Variants in CD226 observed in about 807,000 individuals in gnomAD.
CD226 encodes CD226 molecule.
In CD226, 24 loss-of-function variants were observed where a neutral mutation model predicts 34.9. The ratio of observed to expected loss-of-function variants is 0.69; its 90% CI spans 0.50 to 0.97. The LOEUF is 0.97. Ranked by LOEUF, CD226 falls within the 50% of genes least tolerant of loss-of-function variation. The pLI, the probability that CD226 is intolerant of heterozygous loss-of-function variation, is 0.00. For synonymous variants in CD226, 148 were observed against 147.4 expected (o/e 1.00, Z -0.03); for missense variants, 397 against 412.7 (o/e 0.96, Z 0.33).
At chr18:69,957,361 C>A (rs1299970697), upstream of CD226, among the ~76,000 whole-genome samples, 5 of 119,356 alleles carry the variant, frequency 4.2e-5, no homozygotes, top group African/African-American at 1.3e-4. Flanking sequence ...TTTTTTTTTT[C>A]TTTGTCTCCC....
chr18:69,938,498 A>T (rs1278511954), intron 2 of CD226, among the ~76,000 whole-genome samples: 1 of 152,180 alleles, frequency 6.6e-6, no homozygotes, highest in Non-Finnish European at 1.5e-5. Context: ...GATATTTTCA[A>T]TCCTGGTTTG....
chr18:69,865,780 T>C (rs987643840), intron 5 of CD226, among the ~76,000 whole-genome samples: 5 of 152,226 alleles, frequency 3.3e-5, no homozygotes, highest in Admixed American at 2.6e-4. Context: ...GATGAACACA[T>C]GTTGGATTGT....
chr18:69,949,432 C>T (rs879516323), upstream of CD226, among the ~76,000 whole-genome samples: 3 of 152,146 alleles, frequency 2.0e-5, no homozygotes, highest in Non-Finnish European at 4.4e-5. Flanking sequence ...GTCCTAATGA[C>T]AAGATTTTCC....
At chr18:69,872,840 T>C (rs925448111) in intron 4 of CD226, among the ~76,000 whole-genome samples, 3 of 152,170 alleles carry the variant, frequency 2.0e-5, no homozygotes, top group Admixed American at 6.5e-5. Flanking sequence ...CGCTGTGTCA[T>C]ACACGCACAC....
intron 4 of CD226, among the ~76,000 whole-genome samples, chr18:69,871,157 G>A (rs922239044): frequency 2.0e-5 from 3 of 152,056 alleles, no homozygotes; most frequent in African/African-American, 4.8e-5. Context: ...GTCACCACTC[G>A]CTGTCTCTTA....
intron 3 of CD226, among the ~76,000 whole-genome samples, chr18:69,891,675 C>A (rs1984913297): frequency 6.6e-6 from 1 of 152,096 alleles, no homozygotes; most frequent in Non-Finnish European, 1.5e-5. Context: ...AAATATCAGT[C>A]AGGTTTCTGT....
At chr18:69,874,877 G>A (rs1983764952) in intron 3 of CD226, among the ~76,000 whole-genome samples, 1 of 151,972 alleles carries the variant, frequency 6.6e-6, no homozygotes, top group Non-Finnish European at 1.5e-5. Flanking sequence ...ATGTCCTCAA[G>A]GTTTATCCAC....
intron 2 of CD226, among the ~76,000 whole-genome samples, chr18:69,933,778 T>C (rs988681884): frequency 6.6e-6 from 1 of 152,214 alleles, no homozygotes; most frequent in Non-Finnish European, 1.5e-5. Flanking sequence ...TTCTGCTATT[T>C]TCACTGAAAA....
At chr18:69,901,707 G>A (rs1045735176) in intron 2 of CD226, among the ~76,000 whole-genome samples, 26 of 151,100 alleles carry the variant, frequency 1.7e-4, no homozygotes, top group South Asian at 1.7e-3. Context: ...GTGAAACCCC[G>A]TCTCTACTAA....
upstream of CD226, among the ~76,000 whole-genome samples, chr18:69,961,043 T>C (rs2055927249): frequency 6.6e-6 from 1 of 152,188 alleles, no homozygotes; most frequent in Non-Finnish European, 1.5e-5. Flanking sequence ...CTAGAGAACA[T>C]GGTCAAATAA....
intron 2 of CD226, among the ~76,000 whole-genome samples, chr18:69,919,321 T>C (rs1381141583): frequency 6.6e-6 from 1 of 152,192 alleles, no homozygotes. Flanking sequence ...CCAGAAACGC[T>C]GTCAGGGAGC....
At chr18:69,954,245 G>C (rs1212823984) in intron 1 of CD226, among the ~76,000 whole-genome samples, 1 of 152,074 alleles carries the variant, frequency 6.6e-6, no homozygotes, top group Non-Finnish European at 1.5e-5. Context: ...CAGTACATTA[G>C]CATAGTACAG....
chr18:69,940,939 C>A (rs557831603), intron 2 of CD226, among the ~76,000 whole-genome samples: 1 of 152,324 alleles, frequency 6.6e-6, no homozygotes, highest in Non-Finnish European at 1.5e-5. Flanking sequence ...AAGCCTAAGA[C>A]CCCCTGCTCT....
rs17842595 is a variant in CD226, at chr18:69,898,244, C to T, written c.383-2199G>A. 3.4e-3 allele frequency among the ~76,000 whole-genome samples: 519 copies of T among 152,224 alleles called. 2 individuals are homozygous for T. Among genetic ancestry groups the T allele is most frequent in the African/African-American group, 0.012 (501 of 41,530 alleles). On this transcript the variant is annotated intron_variant, in intron 2 of 5. Transcript: ENST00000582621. The stretch of plus-strand genomic sequence containing the variant: ...GGAGAAATCGACTTTCATGTGAGCC[C>T]TTCTGGTCCCTGGGAAGTAAGAGGC...
intron 2 of CD226, among the ~76,000 whole-genome samples, chr18:69,933,968 T>C (rs2055619785): frequency 6.6e-6 from 1 of 152,242 alleles, no homozygotes; most frequent in Non-Finnish European, 1.5e-5. Flanking sequence ...GTATTCTTTA[T>C]TTCACTTAAA....
At chr18:69,943,102 T>C (rs1316431188) in intron 2 of CD226, among the ~76,000 whole-genome samples, 1 of 152,152 alleles carries the variant, frequency 6.6e-6, no homozygotes, top group Non-Finnish European at 1.5e-5. Context: ...ACCCTGAACC[T>C]CAGTGTCTTC....
At chr18:69,875,938 A>G (rs1983838375) in intron 3 of CD226, among the ~76,000 whole-genome samples, 1 of 152,206 alleles carries the variant, frequency 6.6e-6, no homozygotes, top group Admixed American at 6.5e-5. Flanking sequence ...CGCTGGCTAA[A>G]GGGTACCAAC....
chr18:69,896,884 T>C (rs1985333327), intron 2 of CD226, among the ~76,000 whole-genome samples: 1 of 152,180 alleles, frequency 6.6e-6, no homozygotes, highest in African/African-American at 2.4e-5. Context: ...CCACATGTGG[T>C]ATCAATTCTT....
intron 5 of CD226, among the ~76,000 whole-genome samples, chr18:69,864,880 T>G (rs1016677674): frequency 6.6e-6 from 1 of 152,176 alleles, no homozygotes; most frequent in Non-Finnish European, 1.5e-5. Flanking sequence ...TGACCACATA[T>G]GTATGTATGT....
Sources: allele counts gnomAD v4.1 joint callset (sites outside exome capture counted in the v4.1 genomes callset), GRCh38; gene constraint gnomAD v4.1.1; transcripts MANE v1.5; gene names NCBI Gene and HGNC (gene_info 2026-07-23, HGNC 2026-07-21).